DPP10: variants seen among roughly 807,000 people sequenced by gnomAD.
The protein encoded by DPP10 is inactive dipeptidyl peptidase 10.
A neutral mutation model predicts 120.9 loss-of-function variants in DPP10; 33 were observed. The observed-to-expected ratio is 0.27, with a 90% CI of 0.21 to 0.37. The LOEUF is 0.37. DPP10 is among the 10% of genes least tolerant of loss of function. The probability of loss-of-function intolerance (pLI) is 1.00; values close to 1 mark genes in which losing one functional copy is unlikely to be tolerated. For synonymous variants in DPP10, 337 were observed against 326.1 expected (o/e 1.03, Z -0.36); for missense variants, 816 against 942.8 (o/e 0.87, Z 1.76).
intron 1 of DPP10, among the ~76,000 whole-genome samples, chr2:114,672,778 CA>C (rs2105647990): frequency 1.3e-5 from 2 of 152,292 alleles, no homozygotes; most frequent in Admixed American, 1.3e-4. Context: ...CAGCTTTCCA[CA>C]AGTAATTTAT....
intron 3 of DPP10, among the ~76,000 whole-genome samples, chr2:115,445,203 TC>T (rs2072463429): frequency 6.6e-6 from 1 of 152,154 alleles, no homozygotes; most frequent in South Asian, 2.1e-4. Flanking sequence ...TAAATCTCTT[TC>T]CTTTATGAAT....
At chr2:115,166,283 A>G (rs957862715) in intron 1 of DPP10, among the ~76,000 whole-genome samples, 1 of 151,944 alleles carries the variant, frequency 6.6e-6, no homozygotes, top group African/African-American at 2.4e-5. Flanking sequence ...AAGAGCTTTC[A>G]TAAATCATAT....
At chr2:114,762,367 T>C (rs185669996) in intron 1 of DPP10, among the ~76,000 whole-genome samples, 1 of 152,300 alleles carries the variant, frequency 6.6e-6, no homozygotes, top group African/African-American at 2.4e-5. Flanking sequence ...CATTGCTTGA[T>C]ATAATGGTAT....
intron 5 of DPP10, among the ~76,000 whole-genome samples, chr2:115,570,500 G>C (rs2081275912): frequency 1.3e-5 from 2 of 152,120 alleles, no homozygotes; most frequent in African/African-American, 4.8e-5. Context: ...ATCTCATTCT[G>C]TGCTCACATG....
chr2:114,795,581 A>G (rs1224646331), intron 1 of DPP10, among the ~76,000 whole-genome samples: 2 of 152,046 alleles, frequency 1.3e-5, no homozygotes, highest in Non-Finnish European at 2.9e-5. Flanking sequence ...TTCTCAATTC[A>G]TAAGCACAGT....
At chr2:114,497,068 C>A (rs541867804) in intron 1 of DPP10, among the ~76,000 whole-genome samples, 1 of 149,256 alleles carries the variant, frequency 6.7e-6, no homozygotes, top group South Asian at 2.1e-4. Context: ...TATATACATA[C>A]ACATATACAT....
intron 21 of DPP10, among the ~76,000 whole-genome samples, chr2:115,823,075 A>G (rs908014447): frequency 2.0e-5 from 3 of 151,896 alleles, no homozygotes; most frequent in Non-Finnish European, 4.4e-5. Flanking sequence ...AATATCTTTT[A>G]TTTTTGAGTA....
intron 1 of DPP10, among the ~76,000 whole-genome samples, chr2:114,972,280 G>A (rs1285046043): frequency 6.6e-6 from 1 of 152,208 alleles, no homozygotes; most frequent in African/African-American, 2.4e-5. Context: ...AACTGATTAG[G>A]GCAGACCTCT....
chr2:115,579,791 T>C (rs1410806221), intron 5 of DPP10: 1 of 152,204 alleles, frequency 6.6e-6, no homozygotes, highest in Admixed American at 6.5e-5. Context: ...CCACATAACG[T>C]ATACACATTT....
intron 7 of DPP10, among the ~76,000 whole-genome samples, chr2:115,699,802 T>A (rs573633040): frequency 1.3e-5 from 2 of 152,278 alleles, no homozygotes; most frequent in Non-Finnish European, 2.9e-5. Flanking sequence ...TACAACAAAT[T>A]CAACTGTGTA....
At chr2:115,188,637 C>T (rs1475101736) in intron 1 of DPP10, among the ~76,000 whole-genome samples, 1 of 152,148 alleles carries the variant, frequency 6.6e-6, no homozygotes, top group Non-Finnish European at 1.5e-5. Flanking sequence ...TACTACACTG[C>T]AATACCATTT....
intron 1 of DPP10, among the ~76,000 whole-genome samples, chr2:115,124,144 T>A (rs1271197149): frequency 6.6e-6 from 1 of 152,056 alleles, no homozygotes; most frequent in Non-Finnish European, 1.5e-5. Context: ...GCTCTTGCCA[T>A]CTTGCCCAGG....
chr2:115,230,329 T>A (rs115334218), intron 1 of DPP10, among the ~76,000 whole-genome samples: 13 of 151,986 alleles, frequency 8.6e-5, no homozygotes, highest in Non-Finnish European at 2.9e-5. Context: ...GTGGAGTCTT[T>A]AGGTTTTTCC....
intron 1 of DPP10, among the ~76,000 whole-genome samples, chr2:115,177,308 A>G (rs2053757440): frequency 6.6e-6 from 1 of 152,190 alleles, no homozygotes; most frequent in Non-Finnish European, 1.5e-5. Context: ...TGGCTTCATC[A>G]TTTTATGAAA....
chr2:115,810,169 A>C (rs1012435056), intron 19 of DPP10, among the ~76,000 whole-genome samples: 5 of 152,130 alleles, frequency 3.3e-5, no homozygotes, highest in African/African-American at 1.2e-4. Context: ...CTCGAAAAAA[A>C]AAAAAAAGTA....
intron 1 of DPP10, among the ~76,000 whole-genome samples, chr2:115,178,472 T>G (rs1405362412): frequency 5.9e-5 from 9 of 152,230 alleles, no homozygotes; most frequent in Admixed American, 4.6e-4. Context: ...CTACCACGAC[T>G]ACTATGAATA....
At position 115,762,605 on chromosome 2, in the gene DPP10, C is replaced by G; in HGVS notation, c.1108C>G (p.Gln370Glu). 6.2e-7 allele frequency: 1 copy of G among 1,613,360 alleles called. No homozygotes were observed. Among genetic ancestry groups the G allele is most frequent in the Non-Finnish European group, 8.5e-7 (1 of 1,179,872 alleles). The change falls in exon 12 of 26, where the codon CAG becomes GAG. Residue 370 changes from glutamine to glutamate, a missense_variant. Around this residue, in one of 3 missense-constraint regions of DPP10, gnomAD observed 592 missense variants for 649.0 expected, o/e 0.91. Coordinates refer to ENST00000410059, the MANE Select transcript of DPP10 (RefSeq NM_020868.6). ...YEMTSDTWLS[Q>E]QNEEPVFSRD... is the part of the protein sequence containing the mutation. ...GATGACATCAGATACGTGGCTCTCTCAGCAGGTACAGTATAGGTGGTCTGT... is the reference window on the plus strand; with the variant it reads ...GATGACATCAGATACGTGGCTCTCTGAGCAGGTACAGTATAGGTGGTCTGT...
chr2:115,295,853 T>C (rs954755301), intron 1 of DPP10, among the ~76,000 whole-genome samples: 1 of 152,106 alleles, frequency 6.6e-6, no homozygotes, highest in Non-Finnish European at 1.5e-5. Context: ...AAAAAGTGAT[T>C]ATACCTTCTA....
At chr2:114,662,042 CG>C (rs997323952) in intron 1 of DPP10, among the ~76,000 whole-genome samples, 3 of 151,700 alleles carry the variant, frequency 2.0e-5, no homozygotes, top group African/African-American at 7.3e-5. Flanking sequence ...CTCCAGGCCG[CG>C]CCCCGAGGCC....
Sources: gnomAD v4.1 joint callset for allele counts (sites outside exome capture counted in the v4.1 genomes callset) on GRCh38, gnomAD v4.1.1 for gene constraint, gnomAD v4.1.1 regional missense constraint, MANE v1.5 for transcripts, NCBI Gene and HGNC (gene_info 2026-07-23, HGNC 2026-07-21) for gene names.